Variants in WDR11 observed in about 807,000 individuals in gnomAD.
WDR11 encodes the protein WD repeat-containing protein 11.
In WDR11, 83 loss-of-function variants were observed where a neutral mutation model predicts 151.2. That is an observed-to-expected ratio of 0.55 (90% CI 0.46 to 0.66). The LOEUF (loss-of-function observed/expected upper bound fraction) is 0.66. WDR11 is among the 30% of genes least tolerant of loss of function. WDR11 has a pLI of 0.00. For synonymous variants in WDR11, 484 were observed against 533.1 expected, an observed-to-expected ratio of 0.91 and a Z score of 1.27; for missense variants, 1,301 against 1,480.9, an observed-to-expected ratio of 0.88 and a Z score of 1.99.
chr10:120,862,861 C>G lies in WDR11; in HGVS notation c.653C>G (p.Ala218Gly). The G allele has an allele frequency of 1.2e-6, 2 of 1,614,050 alleles. No homozygotes were observed. Among genetic ancestry groups the G allele is most frequent in the Non-Finnish European group, 1.7e-6 (2 of 1,179,942 alleles). Reference protein sequence around the residue: ...SSPAHNKLATATGAKKALNKV... With the variant: ...SSPAHNKLATGTGAKKALNKV... Reference sequence around the variant, plus strand: ...CCAGCTCATAACAAGCTGGCCACAGCCACAGGTGCCAAGAAAGCTCTAAAT... The same window carrying G: ...CCAGCTCATAACAAGCTGGCCACAGGCACAGGTGCCAAGAAAGCTCTAAAT... The change falls in exon 5 of 29, where the codon GCC (alanine) becomes GGC (glycine). Residue 218 changes from alanine (A) to glycine (G), a missense_variant. By Grantham distance (60) the Ala-to-Gly change is moderately conservative. Around this residue, in one of 3 missense-constraint regions of WDR11, gnomAD observed 692 missense variants for 762.5 expected, o/e 0.91. Transcript: ENST00000263461.
Position 120,860,224 on chromosome 10 carries a change from C to T in WDR11, c.468C>T (p.Ser156=). ...CTGGCACCAAACTATGGAAGAAGAG[C>T]TATGCAGATAACATTCTTTCTTTTT... ...ADTGTKLWKK[S]YADNILSFSF... Residue 156 remains serine, a synonymous_variant, in exon 4 of 29, where the codon AGC becomes AGT. Transcript: ENST00000263461. 6.2e-7 allele frequency: 1 copy of T among 1,614,164 alleles called. No individual in the cohort carries two copies. The highest frequency in any genetic ancestry group is 8.5e-7 in the Non-Finnish European group (1 of 1,180,034).
At chr10:120,898,707 C>T (rs575923284) in intron 19 of WDR11, among the ~76,000 whole-genome samples, 2 of 152,308 alleles carry the variant, frequency 1.3e-5, no homozygotes, top group African/African-American at 4.8e-5. Flanking sequence ...CTTGCCCCCT[C>T]GCTGGCTCTC....
At chr10:120,895,499 T>A (rs751712992) in intron 19 of WDR11, among the ~76,000 whole-genome samples, 27 of 151,534 alleles carry the variant, frequency 1.8e-4, no homozygotes, top group Non-Finnish European at 3.7e-4. Flanking sequence ...AAAAGATGAC[T>A]AAGTGGAAAT....
rs143461576 is a variant in WDR11, at chr10:120,892,081, G to A, written c.2515+1194G>A. Among the ~76,000 whole-genome samples the A allele has an allele frequency of 2.4e-3, 361 of 152,334 alleles. 11 individuals are homozygous for A. The East Asian group carries it at 0.028, about 12-fold the overall frequency. Reference sequence around the variant, plus strand: ...AAATTGGTTACTAATTCTAGATAAAGAAGTGTGGAACTGCTATCTAAATGT... The same window carrying A: ...AAATTGGTTACTAATTCTAGATAAAAAAGTGTGGAACTGCTATCTAAATGT... On this transcript the variant is annotated intron_variant, in intron 19 of 28. Transcript: ENST00000263461.
In WDR11 at chr10:120,865,726, A is replaced by T; in HGVS notation, c.976A>T (p.Thr326Ser). The change falls in exon 7 of 29, where the codon ACT becomes TCT. Residue 326 changes from threonine to serine, a missense_variant. Transcript: ENST00000263461. ...VRRSYNNIFT[T>S]SNEEPDPDPV... ...AAGATCTTATAATAACATTTTTACC[A>T]CTTCAAATGAGGAACCAGGTGAGTT... 1 of 1,603,838 alleles carries T rather than the reference A, an allele frequency of 6.2e-7. No individual in the cohort carries two copies. Among genetic ancestry groups the T allele is most frequent in the Non-Finnish European group, 8.5e-7 (1 of 1,172,854 alleles).
intron 14 of WDR11, 30 bp from the exon 15 acceptor site, chr10:120,885,784 C>T (rs774726240): frequency 1.2e-5 from 20 of 1,612,542 alleles, no homozygotes; most frequent in Non-Finnish European, 1.4e-5. Context: ...AAACCTAGCA[C>T]TTCTAGGTTT....
intron 19 of WDR11, among the ~76,000 whole-genome samples, chr10:120,895,607 T>C (rs971778345): frequency 3.3e-5 from 5 of 152,084 alleles, no homozygotes; most frequent in Non-Finnish European, 5.9e-5. Flanking sequence ...TGGAGGAAAG[T>C]AATTCACAAG....
intron 7 of WDR11, among the ~76,000 whole-genome samples, chr10:120,866,229 T>C (rs1042050183): frequency 2.6e-5 from 4 of 152,210 alleles, no homozygotes; most frequent in African/African-American, 9.6e-5. Flanking sequence ...GAAAGTACAG[T>C]TATTTTCAGG....
rs150551503 is a variant in WDR11, at chr10:120,862,439, G to A, written c.527-296G>A. 2.3e-3 allele frequency: 592 copies of A among 253,648 alleles called. 1 individual carries two copies. The highest frequency in any genetic ancestry group is 3.5e-3 in the Non-Finnish European group (468 of 132,556). 15.7% of individuals were successfully genotyped at this position (253,648 alleles called of 1,614,324 possible). A position where few individuals can be genotyped will look rare whatever the true frequency, so the allele number is the denominator to read the frequency against. On this transcript the variant is annotated intron_variant, in intron 4 of 28. Coordinates refer to ENST00000263461, the MANE Select transcript of WDR11 (RefSeq NM_018117.12). ...AAGGAAAGATTTTTAATGAAAGTCC[G>A]TGCCCTGAATTTATTTAGAAGAACA...
At position 120,890,758 on chromosome 10, in the gene WDR11, T is replaced by G; in HGVS notation, c.2386T>G (p.Phe796Val). 6.2e-7 allele frequency: 1 copy of G among 1,614,198 alleles called. No homozygotes were observed. The highest frequency in any genetic ancestry group is 8.5e-7 in the Non-Finnish European group (1 of 1,180,042). The change falls in exon 19 of 29, where the codon TTT becomes GTT. Residue 796 changes from phenylalanine (F) to valine (V), a missense_variant. Around this residue, in one of 3 missense-constraint regions of WDR11, gnomAD observed 589 missense variants for 670.6 expected, o/e 0.88. Transcript: ENST00000263461. The part of the protein sequence containing the change: ...SSLRSGRNVT[F>V]RILDVDWCTS... ...TTTAAGAAGTGGCAGAAATGTGACC[T>G]TTCGTATATTGGATGTGGACTGGTG...
intron 18 of WDR11, among the ~76,000 whole-genome samples, chr10:120,890,386 G>A (rs1847389745): frequency 6.6e-6 from 1 of 151,966 alleles, no homozygotes. Context: ...CTAATGTTTT[G>A]TATTTTTAGT....
intron 19 of WDR11, 142 bp downstream of exon 19, chr10:120,891,029 T>A (rs1356263620): frequency 7.8e-6 from 7 of 897,988 alleles, no homozygotes; most frequent in African/African-American, 5.0e-5. Flanking sequence ...TATATTAACT[T>A]GAAGCTTGAG....
At position 120,891,469 on chromosome 10, in the gene WDR11, A is replaced by T. The variant is rs372879610; in HGVS notation, c.2515+582A>T. ...TATACTCCATATATGACTTCTAAAA[A>T]AAAAAAGAATGGGACAATTGTGAAT... On this transcript the variant is annotated intron_variant, in intron 19 of 28. Transcript: ENST00000263461. Among the ~76,000 whole-genome samples, 29 of 152,336 alleles carry T rather than the reference A, an allele frequency of 1.9e-4. 2 individuals are homozygous for T. The East Asian group carries it at 2.7e-3, about 14-fold the overall frequency.
At chr10:120,869,674 T>C (rs1846458972) in intron 9 of WDR11, among the ~76,000 whole-genome samples, 1 of 152,198 alleles carries the variant, frequency 6.6e-6, no homozygotes, top group African/African-American at 2.4e-5. Flanking sequence ...AATTGCCTCT[T>C]ATGAAAAATA....
intron 13 of WDR11, among the ~76,000 whole-genome samples, chr10:120,883,051 G>A (rs1847079244): frequency 6.6e-6 from 1 of 152,106 alleles, no homozygotes; most frequent in South Asian, 2.1e-4. Context: ...TTTCCATGGG[G>A]TGTTATTCAG....
chr10:120,883,891 A>G lies in WDR11; in HGVS notation c.1848+3A>G, dbSNP rs753999428. ...ACTTCCCTACAATAACTGCTTTGGT[A>G]AGTTACAATTTAAGAATTTAATAGC... On this transcript the variant is annotated splice_donor_region_variant and intron_variant, in intron 14 of 28. Coordinates refer to ENST00000263461, the MANE Select transcript of WDR11 (RefSeq NM_018117.12). 20 of 1,606,758 alleles carry G rather than the reference A, an allele frequency of 1.2e-5. No individual in the cohort carries two copies. In the African/African-American group the frequency reaches 2.3e-4, roughly 18 times the overall value.
intron 19 of WDR11, among the ~76,000 whole-genome samples, chr10:120,899,258 C>T (rs972164448): frequency 2.6e-5 from 4 of 152,084 alleles, no homozygotes; most frequent in African/African-American, 9.7e-5. Context: ...ATAAGTGAGA[C>T]CTGGGAATGC....
At chr10:120,869,753 T>C (rs1724570760) in intron 9 of WDR11, among the ~76,000 whole-genome samples, 1 of 152,074 alleles carries the variant, frequency 6.6e-6, no homozygotes, top group African/African-American at 2.4e-5. Flanking sequence ...GGCACTTACA[T>C]GTTAAGCTTC....
At position 120,880,816 on chromosome 10, in the gene WDR11, G is replaced by T; in HGVS notation, c.1664-10G>T. The T allele has an allele frequency of 6.3e-7, 1 of 1,595,094 alleles. No homozygotes were observed. The highest frequency in any genetic ancestry group is 8.6e-7 in the Non-Finnish European group (1 of 1,167,588). ...ACTGTTCTCACTTTTTTAAATATTT[G>T]CAATTAAAGGTAGGAGCATTGCTTT... On this transcript the variant is annotated splice_polypyrimidine_tract_variant and intron_variant, in intron 12 of 28. Coordinates refer to ENST00000263461, the MANE Select transcript of WDR11 (RefSeq NM_018117.12).
Sources: gnomAD v4.1 joint callset for allele counts (sites outside exome capture counted in the v4.1 genomes callset) on GRCh38, gnomAD v4.1.1 for gene constraint, gnomAD v4.1.1 regional missense constraint, MANE v1.5 for transcripts, NCBI Gene and HGNC (gene_info 2026-07-23, HGNC 2026-07-21) for gene names.